Variants in TRIM8 observed in about 807,000 individuals in gnomAD.
TRIM8 encodes the protein tripartite motif containing 8, also known as E3 ubiquitin-protein ligase TRIM8.
Under a neutral mutation model 55.7 loss-of-function variants are expected in TRIM8, and 9 were observed. That is an observed-to-expected ratio of 0.16 (90% CI 0.10 to 0.28). The LOEUF is 0.28. Ranked by LOEUF, TRIM8 falls within the 10% of genes least tolerant of loss-of-function variation. The pLI is 1.00. For missense variants in TRIM8, 556 were observed against 736.4 expected (o/e 0.76, Z 2.83); for synonymous variants, 335 against 333.3 (o/e 1.01, Z -0.06).
chr10:102,654,960 T>A, intron 2 of TRIM8, 120 bp from the exon 3 acceptor site: 1 of 1,238,400 alleles, frequency 8.1e-7, no homozygotes, highest in Non-Finnish European at 1.1e-6. Flanking sequence ...GACCTTGCCC[T>A]TGGGAGCCTG....
intron 1 of TRIM8, among the ~76,000 whole-genome samples, chr10:102,646,507 A>G (rs907938512): frequency 2.6e-5 from 4 of 152,194 alleles, no homozygotes; most frequent in Non-Finnish European, 5.9e-5. Context: ...ACATACACAT[A>G]CAACCAACAA....
At chr10:102,655,959 C>A (rs1025839865) in intron 3 of TRIM8, 147 bp from the exon 4 acceptor site, 8 of 1,175,646 alleles carry the variant, frequency 6.8e-6, no homozygotes, top group African/African-American at 4.5e-5. Context: ...CAAATGGCCA[C>A]CCCTACCCCT....
Position 102,646,660 on chromosome 10 carries a change from C to G in TRIM8, c.570+1473C>G, listed in dbSNP as rs185409812. ...CTTAAAGGAAGTGTGTCCTCCACCC[C>G]CTGTGTCCTCCATCCCCGTTCAGGG... On this transcript the variant is annotated intron_variant, in intron 1 of 5. Transcript: ENST00000643721. Among the ~76,000 whole-genome samples, 666 of 152,294 alleles carry G rather than the reference C, an allele frequency of 4.4e-3. 25 individuals carry two copies. Among genetic ancestry groups the G allele is most frequent in the Admixed American group, 0.04 (619 of 15,302 alleles).
At chr10:102,650,791 G>T (rs911775391) in intron 1 of TRIM8, among the ~76,000 whole-genome samples, 1 of 152,180 alleles carries the variant, frequency 6.6e-6, no homozygotes, top group Non-Finnish European at 1.5e-5. Context: ...GGAGGCAGGT[G>T]GGGGTTGGGA....
rs1363294971 is a variant in TRIM8, at chr10:102,644,896, G to A, written c.279G>A (p.Val93=). The A allele has an allele frequency of 2.5e-6, 4 of 1,609,720 alleles. No homozygotes were observed. Among genetic ancestry groups the A allele is most frequent in the African/African-American group, 2.7e-5 (2 of 74,872 alleles). Residue 93 remains valine, a synonymous_variant, in exon 1 of 6, where the codon GTG becomes GTA. Transcript: ENST00000643721. ...AGCCGCCGGCGGCGCTGCACTGCGT[G>A]TTCTGCCGCCGCGGCCCCCCGCTGC... is the stretch of plus-strand genomic sequence containing the variant. ...VEKPPAALHC[V]FCRRGPPLPA...
intron 1 of TRIM8, among the ~76,000 whole-genome samples, chr10:102,648,994 C>T (rs978680015): frequency 3.8e-4 from 58 of 151,864 alleles, no homozygotes; most frequent in African/African-American, 1.3e-3. Context: ...ACTCTGCCTT[C>T]TGCGGCCCTG....
In TRIM8 at chr10:102,644,507, G is replaced by T; in HGVS notation, c.-111G>T. ...GGCGCTGCTGACTGAGCGACCGTCG[G>T]GGCCGGCTGGGGCCGGAGCTCGGGG... On this transcript the variant is annotated 5_prime_UTR_variant, in exon 1 of 6. Transcript: ENST00000643721. The T allele has an allele frequency of 9.5e-7, 1 of 1,049,342 alleles. No individual in the cohort carries two copies. The highest frequency in any genetic ancestry group is 1.3e-6 in the Non-Finnish European group (1 of 759,962). 65.0% of individuals were successfully genotyped at this position (1,049,342 alleles called of 1,614,324 possible).
Position 102,651,878 on chromosome 10 carries a change from G to A in TRIM8, c.571-2775G>A, listed in dbSNP as rs116875339. ...CCAGCCTTCCCTGTGAGGGGGTTGG[G>A]TCAAGTGCCTTTGCACCTCTGGCTG... On this transcript the variant is annotated intron_variant, in intron 1 of 5. Coordinates refer to ENST00000643721, the MANE Select transcript of TRIM8 (RefSeq NM_030912.3). 1.0e-3 allele frequency among the ~76,000 whole-genome samples: 153 copies of A among 152,350 alleles called. 5 individuals are homozygous for A. In the East Asian group the frequency reaches 0.022, roughly 22 times the overall value.
rs1051507587 is a variant in TRIM8 at position 102,656,760 on chromosome 10, G to A, written c.1062G>A (p.Thr354=). 6.0e-6 allele frequency: 9 copies of A among 1,511,420 alleles called. No homozygotes were observed. Among genetic ancestry groups the A allele is most frequent in the Non-Finnish European group, 7.1e-6 (8 of 1,131,054 alleles). The allele number at this position is 1,511,420 out of a possible 1,614,324, so 93.6% of individuals were successfully genotyped here. A position where few individuals can be genotyped will look rare whatever the true frequency, so the allele number is the denominator to read the frequency against. Reference sequence around the variant, plus strand: ...AACTCTCCACAGGCCCCTTCAGCACGCCGGTGCCCTTCCTGCAGAGTGTCC... The same window carrying A: ...AACTCTCCACAGGCCCCTTCAGCACACCGGTGCCCTTCCTGCAGAGTGTCC... ...LRKMLEGPFS[T]PVPFLQSVPL... is the part of the protein sequence containing the mutation. The change falls in exon 6 of 6, where the codon ACG becomes ACA. Residue 354 remains threonine (T), a synonymous_variant. Transcript: ENST00000643721. This position sits in a 1 kb window ranked among gnomAD's most constrained non-coding sequence, Gnocchi z 4.6.
Position 102,657,460 on chromosome 10 carries a change from C to T in TRIM8, c.*106C>T, listed in dbSNP as rs1313175354. 1.5e-5 allele frequency: 20 copies of T among 1,346,126 alleles called. No homozygotes were observed. In the South Asian group the frequency reaches 1.9e-4, roughly 13 times the overall value. The allele number at this position is 1,346,126 out of a possible 1,614,324, so 83.4% of individuals were successfully genotyped here. A position where few individuals can be genotyped will look rare whatever the true frequency, so the allele number is the denominator to read the frequency against. On this transcript the variant is annotated 3_prime_UTR_variant, in exon 6 of 6. Coordinates refer to ENST00000643721, the MANE Select transcript of TRIM8 (RefSeq NM_030912.3). ...TTCTACCTTCCTCGCCTCCCCTCTT[C>T]CTCATTCCATTGCCCCAGGTCTTTT...
At chr10:102,646,508 C>A (rs915259621) in intron 1 of TRIM8, among the ~76,000 whole-genome samples, 3 of 152,168 alleles carry the variant, frequency 2.0e-5, no homozygotes, top group Non-Finnish European at 4.4e-5. Context: ...CATACACATA[C>A]AACCAACAAA....
chr10:102,651,791 G>A (rs1429174805), intron 1 of TRIM8, among the ~76,000 whole-genome samples: 1 of 152,222 alleles, frequency 6.6e-6, no homozygotes, highest in African/African-American at 2.4e-5. Flanking sequence ...TGTTCCCAGA[G>A]TGTCCTGGCC....
intron 1 of TRIM8, among the ~76,000 whole-genome samples, chr10:102,651,812 C>T (rs557635288): frequency 1.3e-5 from 2 of 152,236 alleles, no homozygotes; most frequent in Non-Finnish European, 2.9e-5. Flanking sequence ...ACCTCGCCAT[C>T]GTGCCAGGCC....
Position 102,656,585 on chromosome 10 carries a change from A to G in TRIM8, c.1049-162A>G, listed in dbSNP as rs926480475. 25 of 1,314,958 alleles carry G rather than the reference A, an allele frequency of 1.9e-5. No homozygotes were observed. The Admixed American group carries it at 5.0e-4, about 26-fold the overall frequency. The allele number at this position is 1,314,958 out of a possible 1,614,324, so 81.5% of individuals were successfully genotyped here. A position where few individuals can be genotyped will look rare whatever the true frequency, so the allele number is the denominator to read the frequency against. Reference sequence around the variant, plus strand: ...CATTTCTTCAGCTTAAAGTGGGGATATAACTATTCTGTACCTCCTAATGGT... The same window carrying G: ...CATTTCTTCAGCTTAAAGTGGGGATGTAACTATTCTGTACCTCCTAATGGT... On this transcript the variant is annotated intron_variant, in intron 5 of 5. Coordinates refer to ENST00000643721, the MANE Select transcript of TRIM8 (RefSeq NM_030912.3). This position sits in a 1 kb window ranked among gnomAD's most constrained non-coding sequence, Gnocchi z 4.6.
intron 1 of TRIM8, among the ~76,000 whole-genome samples, chr10:102,648,882 C>G (rs937159842): frequency 1.3e-5 from 2 of 152,224 alleles, no homozygotes; most frequent in African/African-American, 2.4e-5. Flanking sequence ...TGGCTTTCTC[C>G]GTTGCCCGTG....
chr10:102,649,594 T>A (rs1329829111), intron 1 of TRIM8, among the ~76,000 whole-genome samples: 4 of 152,166 alleles, frequency 2.6e-5, no homozygotes, highest in African/African-American at 9.7e-5. Context: ...CTCTCTCGCC[T>A]CTTTGTTCTG....
chr10:102,644,531 G>T lies in TRIM8; in HGVS notation c.-87G>T. 5 of 1,321,828 alleles carry T rather than the reference G, an allele frequency of 3.8e-6. No individual in the cohort carries two copies. Among genetic ancestry groups the T allele is most frequent in the Middle Eastern group, 2.6e-4 (1 of 3,786 alleles). 81.9% of individuals were successfully genotyped at this position (1,321,828 alleles called of 1,614,324 possible). A position where few individuals can be genotyped will look rare whatever the true frequency, so the allele number is the denominator to read the frequency against. The stretch of plus-strand genomic sequence containing the variant: ...GGGGCCGGCTGGGGCCGGAGCTCGG[G>T]GCTCGGTGGGCCTACAGCGGCTCCG... On this transcript the variant is annotated 5_prime_UTR_variant, in exon 1 of 6. Transcript: ENST00000643721.
chr10:102,645,268 A>C, intron 1 of TRIM8, 81 bp downstream of exon 1: 6 of 1,363,218 alleles, frequency 4.4e-6, no homozygotes, highest in Non-Finnish European at 5.7e-6. Flanking sequence ...GGGACCACCC[A>C]TCCCGACAGG....
chr10:102,656,212 T>C lies in TRIM8; in HGVS notation c.933-58T>C. ...GGGGGCCAGGCCCATGGCGGGGAGG[T>C]AGGGCGGGCTCACCGGTGATGCCTC... On this transcript the variant is annotated intron_variant, in intron 4 of 5. Transcript: ENST00000643721. The surrounding 1 kb of genome is among the most constrained non-coding windows in gnomAD (Gnocchi z 4.6). The C allele has an allele frequency of 2.5e-6, 4 of 1,613,212 alleles. No individual in the cohort carries two copies. Among genetic ancestry groups the C allele is most frequent in the Non-Finnish European group, 3.4e-6 (4 of 1,179,804 alleles).
Sources: allele counts gnomAD v4.1 joint callset (sites outside exome capture counted in the v4.1 genomes callset), GRCh38; gene constraint gnomAD v4.1.1; non-coding constraint Gnocchi (gnomAD v3.1); transcripts MANE v1.5; gene names NCBI Gene and HGNC (gene_info 2026-07-23, HGNC 2026-07-21).